Variants in PCGF6 observed in about 807,000 individuals in gnomAD.
The protein encoded by PCGF6 is polycomb group RING finger protein 6.
In PCGF6, 24 loss-of-function variants were observed where a neutral mutation model predicts 45.5. That is an observed-to-expected ratio of 0.53 (90% CI 0.38 to 0.74). The LOEUF is 0.74. PCGF6 is among the 30% of genes least tolerant of loss of function. The probability of loss-of-function intolerance (pLI) is 0.00; values close to 1 mark genes in which losing one functional copy is unlikely to be tolerated. For missense variants in PCGF6, 356 were observed against 443.2 expected, an observed-to-expected ratio of 0.80 and a Z score of 1.77; for synonymous variants, 152 against 162.1, an observed-to-expected ratio of 0.94 and a Z score of 0.47.
At chr10:103,312,399 A>G (rs2093160674) in intron 9 of PCGF6, 2 of 153,116 alleles carry the variant, frequency 1.3e-5, no homozygotes, top group African/African-American at 4.8e-5. Flanking sequence ...CTCAAAAAAA[A>G]AAAAAAAGTC....
At chr10:103,326,709 A>G in intron 7 of PCGF6, 77 bp from the exon 8 acceptor site, 2 of 1,041,246 alleles carry the variant, frequency 1.9e-6, no homozygotes, top group South Asian at 1.9e-5. Flanking sequence ...ATATATATGT[A>G]ATGTGTAAAC....
intron 9 of PCGF6, among the ~76,000 whole-genome samples, chr10:103,305,024 G>A (rs540914927): frequency 5.0e-4 from 76 of 152,010 alleles, no homozygotes; most frequent in Non-Finnish European, 6.2e-4. Flanking sequence ...GTGCAATGGC[G>A]CGATCATAGC....
chr10:103,351,115 T>C lies in PCGF6; in HGVS notation c.-49A>G. The C allele has an allele frequency of 4.5e-6, 6 of 1,336,566 alleles. No homozygotes were observed. Among genetic ancestry groups the C allele is most frequent in the African/African-American group, 3.0e-5 (2 of 66,392 alleles). 82.8% of individuals were successfully genotyped at this position (1,336,566 alleles called of 1,614,324 possible). ...GCGAGGCGGCGGGAGAGCGCGGGAG[T>C]TCGGCCGGCCTCGGACGCCACCACT... On this transcript the variant is annotated 5_prime_UTR_variant, in exon 1 of 10. Transcript: ENST00000369847.
chr10:103,351,012 C>T lies in PCGF6; in HGVS notation c.55G>A (p.Gly19Arg). ...GGCGGAGGCGGCAAGGCTGCAGCTC[C>T]CTCGGTTTTGGCAGCGCCTACGCTG... ...AGSVGAAKTE[G>R]AAALPPPPPV... Residue 19 changes from glycine to arginine, a missense_variant, in exon 1 of 10, where the codon GGA becomes AGA. Coordinates refer to ENST00000369847, the MANE Select transcript of PCGF6 (RefSeq NM_001011663.2). The T allele has an allele frequency of 7.0e-7, 1 of 1,424,886 alleles. No individual in the cohort carries two copies. Among genetic ancestry groups the T allele is most frequent in the South Asian group, 1.6e-5 (1 of 62,918 alleles). 88.3% of individuals were successfully genotyped at this position (1,424,886 alleles called of 1,614,324 possible).
chr10:103,323,592 G>A (rs138727250), intron 8 of PCGF6, among the ~76,000 whole-genome samples: 1 of 150,284 alleles, frequency 6.7e-6, no homozygotes, highest in African/African-American at 2.4e-5. Flanking sequence ...ACCGCGTCCG[G>A]CCCCTTTTCT....
chr10:103,343,210 G>A (rs1444732047), intron 6 of PCGF6, among the ~76,000 whole-genome samples: 1 of 151,974 alleles, frequency 6.6e-6, no homozygotes, highest in Admixed American at 6.6e-5. Flanking sequence ...TTATAGGCGT[G>A]AGCCACCGCG....
At chr10:103,330,938 A>G (rs1274792833) in intron 7 of PCGF6, among the ~76,000 whole-genome samples, 3 of 152,116 alleles carry the variant, frequency 2.0e-5, no homozygotes, top group Non-Finnish European at 4.4e-5. Context: ...CCAACAAGAA[A>G]AAAAGAAACC....
chr10:103,349,625 C>T (rs1414330969), intron 1 of PCGF6, among the ~76,000 whole-genome samples: 3 of 150,448 alleles, frequency 2.0e-5, no homozygotes, highest in African/African-American at 7.3e-5. Context: ...AGATTACAGG[C>T]GCGTGCCACC....
intron 9 of PCGF6, among the ~76,000 whole-genome samples, chr10:103,308,534 G>A (rs932842238): frequency 4.0e-5 from 6 of 151,720 alleles, no homozygotes; most frequent in African/African-American, 1.5e-4. Context: ...AAGTAGCTGG[G>A]ATTACAGTAG....
intron 6 of PCGF6, 110 bp downstream of exon 6, chr10:103,344,914 A>G (rs1051810552): frequency 2.8e-6 from 2 of 706,610 alleles, no homozygotes; most frequent in African/African-American, 3.6e-5. Flanking sequence ...GTTATTTCAT[A>G]ATTTTCCAAG....
intron 5 of PCGF6, among the ~76,000 whole-genome samples, chr10:103,346,850 A>G (rs113861465): frequency 6.8e-4 from 104 of 152,350 alleles, no homozygotes; most frequent in African/African-American, 2.4e-3. Flanking sequence ...ATTCCGTGAC[A>G]TTACATCATC....
chr10:103,326,906 AAACTCAGAG>A (rs2093220854), intron 7 of PCGF6, among the ~76,000 whole-genome samples: 1 of 152,328 alleles, frequency 6.6e-6, no homozygotes, highest in African/African-American at 2.4e-5. Context: ...TGAAAAAACA[AAACTCAGAG>A]TAAAATTTAT....
intron 8 of PCGF6, among the ~76,000 whole-genome samples, chr10:103,318,451 A>G (rs2093184225): frequency 1.3e-5 from 2 of 151,254 alleles, no homozygotes; most frequent in Non-Finnish European, 3.0e-5. Flanking sequence ...TCAAAAAAAA[A>G]AAAAGAAAAA....
intron 9 of PCGF6, among the ~76,000 whole-genome samples, chr10:103,306,274 T>C (rs2093138179): frequency 6.6e-6 from 1 of 152,066 alleles, no homozygotes; most frequent in South Asian, 2.1e-4. Flanking sequence ...ATTTTTGTAT[T>C]TTGAGTAGAG....
In PCGF6 at chr10:103,350,914, C is replaced by G. The variant is rs781435923; in HGVS notation, c.153G>C (p.Thr51=). The change falls in exon 1 of 10, where the codon ACG becomes ACC. Residue 51 remains threonine (T), a synonymous_variant. Transcript: ENST00000369847. ...GGGAGCCGGAGCAGCCGGGAGCCCC[C>G]GTCTCAGACAGAGGCGCCGGTCCCT... ...GEEGPAPLSE[T]GAPGCSGSRP... is the part of the protein sequence containing the mutation. 8.6e-6 allele frequency: 13 copies of G among 1,514,332 alleles called. No individual in the cohort carries two copies. The East Asian group carries it at 3.1e-4, about 36-fold the overall frequency. 93.8% of individuals were successfully genotyped at this position (1,514,332 alleles called of 1,614,324 possible).
At chr10:103,320,631 G>A (rs148810960) in intron 8 of PCGF6, among the ~76,000 whole-genome samples, 1 of 151,924 alleles carries the variant, frequency 6.6e-6, no homozygotes, top group East Asian at 1.9e-4. Flanking sequence ...AGGTTGCGGT[G>A]AGCCGACATC....
At chr10:103,316,019 G>A (rs866017413) in intron 8 of PCGF6, among the ~76,000 whole-genome samples, 5 of 146,678 alleles carry the variant, frequency 3.4e-5, no homozygotes, top group Non-Finnish European at 6.0e-5. Flanking sequence ...TATATAGAGA[G>A]AGAGAGAGAG....
intron 6 of PCGF6, among the ~76,000 whole-genome samples, chr10:103,334,214 A>C (rs560979210): frequency 6.6e-6 from 1 of 152,054 alleles, no homozygotes; most frequent in Non-Finnish European, 1.5e-5. Context: ...TTTTGATGGA[A>C]AATATGAGAA....
chr10:103,339,813 ACAC>A (rs1564733274), intron 6 of PCGF6, among the ~76,000 whole-genome samples: 1,640 of 16,920 alleles, frequency 0.097, 110 homozygotes, highest in South Asian at 0.2. Flanking sequence ...AAAAAAAAAC[ACAC>A]ACACACACAC....
Sources: allele counts gnomAD v4.1 joint callset (sites outside exome capture counted in the v4.1 genomes callset), GRCh38; gene constraint gnomAD v4.1.1; transcripts MANE v1.5; gene names NCBI Gene and HGNC (gene_info 2026-07-23, HGNC 2026-07-21).